ATXN7L3: variants seen among roughly 807,000 people sequenced by gnomAD.
The protein encoded by ATXN7L3 is ataxin-7-like protein 3.
Under a neutral mutation model 50.0 loss-of-function variants are expected in ATXN7L3, and 6 were observed. The ratio of observed to expected loss-of-function variants is 0.12; its 90% CI spans 0.07 to 0.24. The LOEUF is 0.24. Among genes scored for constraint, ATXN7L3 ranks in the 10% least tolerant of loss-of-function variants. ATXN7L3 has a pLI of 1.00. For missense variants in ATXN7L3, 322 were observed against 451.3 expected, an observed-to-expected ratio of 0.71 and a Z score of 2.60; for synonymous variants, 198 against 165.8, an observed-to-expected ratio of 1.19 and a Z score of -1.49.
intron 5 of ATXN7L3, among the ~76,000 whole-genome samples, chr17:44,196,651 G>A (rs1161048674): frequency 3.3e-5 from 5 of 151,502 alleles, no homozygotes; most frequent in African/African-American, 1.2e-4. Context: ...GGTAGCACGC[G>A]ACTGTAATCC....
chr17:44,197,424 C>T (rs2055948397), intron 3 of ATXN7L3, 25 bp from the exon 4 acceptor site: 1 of 1,577,720 alleles, frequency 6.3e-7, no homozygotes, highest in East Asian at 2.2e-5. Flanking sequence ...GGCTGGCGAT[C>T]AGGGTGGGCA....
intron 8 of ATXN7L3, 57 bp downstream of exon 8, chr17:44,195,743 C>T: frequency 6.5e-7 from 1 of 1,541,414 alleles, no homozygotes; most frequent in South Asian, 1.1e-5. Flanking sequence ...TGTCCAAATC[C>T]CCACCACCTC....
intron 5 of ATXN7L3, 139 bp from the exon 6 acceptor site, chr17:44,196,557 A>G: frequency 9.5e-7 from 1 of 1,047,408 alleles, no homozygotes; most frequent in Non-Finnish European, 1.4e-6. Flanking sequence ...AGGCGGGCAG[A>G]TCACGAGGTC....
At chr17:44,198,250 A>T in intron 1 of ATXN7L3, 120 bp from the exon 2 acceptor site, 1 of 613,248 alleles carries the variant, frequency 1.6e-6, no homozygotes, top group East Asian at 2.8e-5. Context: ...TCCCTCCCCA[A>T]GGCCCAGGCT....
rs752301098 is a variant in ATXN7L3, at chr17:44,197,700, C to T, written c.82G>A (p.Val28Ile). The T allele has an allele frequency of 2.5e-6, 4 of 1,614,282 alleles. No homozygotes were observed. Among genetic ancestry groups the T allele is most frequent in the African/African-American group, 1.3e-5 (1 of 75,078 alleles). ...AIAQEIYADL[V>I]EDSCLGFCFE... is the part of the protein sequence containing the mutation. ...CAGAATCCCAAACAAGAATCCTCGA[C>T]CAGGTCCGCGTATATCTCCTGAGCG... Residue 28 changes from valine (V) to isoleucine (I), a missense_variant, in exon 3 of 13, where the codon GTC becomes ATC. Coordinates refer to ENST00000587097, the MANE Select transcript of ATXN7L3 (RefSeq NM_001382309.1).
chr17:44,197,099 G>A, intron 4 of ATXN7L3, 73 bp from the exon 5 acceptor site: 1 of 1,549,414 alleles, frequency 6.5e-7, no homozygotes, highest in Non-Finnish European at 8.9e-7. Context: ...ACCCCGCTCT[G>A]CCCCCAACTT....
chr17:44,195,755 C>T, intron 8 of ATXN7L3, 45 bp downstream of exon 8: 1 of 1,563,122 alleles, frequency 6.4e-7, no homozygotes, highest in Non-Finnish European at 8.8e-7. Context: ...CACCACCTCA[C>T]AACCAGGACA....
intron 2 of ATXN7L3, 96 bp from the exon 3 acceptor site, chr17:44,197,826 C>T: frequency 6.3e-7 from 1 of 1,577,616 alleles, no homozygotes; most frequent in East Asian, 2.3e-5. Flanking sequence ...AGCCAAAAAT[C>T]ATGCTTTCTT....
chr17:44,194,468 C>A (rs1317310969), intron 12 of ATXN7L3, 49 bp downstream of exon 12: 8 of 1,612,886 alleles, frequency 5.0e-6, no homozygotes, highest in Non-Finnish European at 6.8e-6. Context: ...GAGGTGGCAC[C>A]CCCATGGCTT....
At chr17:44,195,368 A>G in intron 9 of ATXN7L3, 51 bp downstream of exon 9, 1 of 1,572,496 alleles carries the variant, frequency 6.4e-7, no homozygotes. Context: ...ACCACTGCCT[A>G]TGGCTCCAGC....
Position 44,197,037 on chromosome 17 carries a change from G to C in ATXN7L3, c.357-11C>G. 1 of 1,602,670 alleles carries C rather than the reference G, an allele frequency of 6.2e-7. No homozygotes were observed. The highest frequency in any genetic ancestry group is 8.5e-7 in the Non-Finnish European group (1 of 1,169,874). ...TTGCTATTGGCAATCCTGCCAAGGGGAGGGAAGAGAAAGGGGCCAAGGGGA... is the reference window on the plus strand; with the variant it reads ...TTGCTATTGGCAATCCTGCCAAGGGCAGGGAAGAGAAAGGGGCCAAGGGGA... On this transcript the variant is annotated splice_polypyrimidine_tract_variant and intron_variant, in intron 4 of 12. Coordinates refer to ENST00000587097, the MANE Select transcript of ATXN7L3 (RefSeq NM_001382309.1).
intron 8 of ATXN7L3, 93 bp from the exon 9 acceptor site, chr17:44,195,580 T>C: frequency 7.2e-7 from 1 of 1,393,622 alleles, no homozygotes; most frequent in Middle Eastern, 1.8e-4. Context: ...GGTCCCTTTC[T>C]AAGTGAGGCT....
Position 44,191,914 on chromosome 17 carries a change from A to G in ATXN7L3, c.*2349T>C, listed in dbSNP as rs1297082959. 2 of 204,302 alleles carry G rather than the reference A, an allele frequency of 9.8e-6. No individual in the cohort carries two copies. The highest frequency in any genetic ancestry group is 1.7e-5 in the Non-Finnish European group (2 of 115,462). The allele number at this position is 204,302 out of a possible 1,614,324, so 12.7% of individuals were successfully genotyped here. On this transcript the variant is annotated 3_prime_UTR_variant, in exon 13 of 13. Coordinates refer to ENST00000587097, the MANE Select transcript of ATXN7L3 (RefSeq NM_001382309.1). ...CAGAATGGATTACATATGCAAAAAT[A>G]AAAATCTCAAGACCACAGGACAGCG...
chr17:44,196,448 G>A lies in ATXN7L3; in HGVS notation c.455-30C>T, dbSNP rs776157494. On this transcript the variant is annotated intron_variant, in intron 5 of 12. Transcript: ENST00000587097. Reference sequence around the variant, plus strand: ...GGGAAACAAAAGCATAAAGAGCAGGGTTTCCGTTAAGTTCTCAATCTAAAA... The same window carrying A: ...GGGAAACAAAAGCATAAAGAGCAGGATTTCCGTTAAGTTCTCAATCTAAAA... 5.6e-5 allele frequency: 91 copies of A among 1,613,786 alleles called. No individual in the cohort carries two copies. The Middle Eastern group carries it at 8.2e-4, about 15-fold the overall frequency.
chr17:44,196,862 T>A, intron 5 of ATXN7L3, 67 bp downstream of exon 5: 1 of 1,118,162 alleles, frequency 8.9e-7, no homozygotes, highest in South Asian at 1.2e-5. Context: ...TTGTGACCAC[T>A]GTATACCCAA....
chr17:44,195,962 C>T (rs2055871839), intron 7 of ATXN7L3, 72 bp downstream of exon 7: 2 of 1,573,126 alleles, frequency 1.3e-6, no homozygotes, highest in African/African-American at 1.4e-5. Context: ...CCCCGGGCCC[C>T]ACCTCCACCC....
chr17:44,196,199 G>T, intron 6 of ATXN7L3, 120 bp from the exon 7 acceptor site: 1 of 1,309,322 alleles, frequency 7.6e-7, no homozygotes, highest in Non-Finnish European at 1.1e-6. Flanking sequence ...TTCCTCCCCA[G>T]TAGGAGGCCT....
chr17:44,199,402 G>A (rs1325047170), intron 1 of ATXN7L3, 94 bp downstream of exon 1: 1 of 149,218 alleles, frequency 6.7e-6, no homozygotes, highest in Non-Finnish European at 1.5e-5. Context: ...ACCCAGACCT[G>A]GGGGGAGGGG....
In ATXN7L3 at chr17:44,193,555, C is replaced by T. The variant is rs2055773904; in HGVS notation, c.*708G>A. ...TCTTCCTACCCTCCCTTTCCCATTCCTTGAAGCTGTAGAGGCTGGAGGCCC... is the reference window on the plus strand; with the variant it reads ...TCTTCCTACCCTCCCTTTCCCATTCTTTGAAGCTGTAGAGGCTGGAGGCCC... On this transcript the variant is annotated 3_prime_UTR_variant, in exon 13 of 13. Coordinates refer to ENST00000587097, the MANE Select transcript of ATXN7L3 (RefSeq NM_001382309.1). 1 of 152,500 alleles carries T rather than the reference C, an allele frequency of 6.6e-6. No homozygotes were observed. The highest frequency in any genetic ancestry group is 2.4e-5 in the African/African-American group (1 of 41,440). 9.4% of individuals were successfully genotyped at this position (152,500 alleles called of 1,614,324 possible).
Sources: allele counts gnomAD v4.1 joint callset (sites outside exome capture counted in the v4.1 genomes callset), GRCh38; gene constraint gnomAD v4.1.1; transcripts MANE v1.5; gene names NCBI Gene and HGNC (gene_info 2026-07-23, HGNC 2026-07-21).